RBMS3: variants seen among roughly 807,000 people sequenced by gnomAD.
The protein encoded by RBMS3 is RNA binding motif single stranded interacting protein 3.
Under a neutral mutation model 66.8 loss-of-function variants are expected in RBMS3, and 27 were observed. That is an observed-to-expected ratio of 0.40 (90% CI 0.30 to 0.56). The LOEUF is 0.56. Ranked by LOEUF, RBMS3 falls within the 20% of genes least tolerant of loss-of-function variation. The pLI, the probability that RBMS3 is intolerant of heterozygous loss-of-function variation, is 0.40. For synonymous variants in RBMS3, 188 were observed against 183.0 expected, an observed-to-expected ratio of 1.03 and a Z score of -0.22; for missense variants, 513 against 549.5, an observed-to-expected ratio of 0.93 and a Z score of 0.66.
At chr3:29,729,009 G>C (rs1000087112) in intron 4 of RBMS3, among the ~76,000 whole-genome samples, 2 of 152,024 alleles carry the variant, frequency 1.3e-5, no homozygotes, top group Admixed American at 1.3e-4. Flanking sequence ...TATACTTTAA[G>C]TTCTAGGGTA....
rs2149607612 is a variant in RBMS3 at position 29,899,743 on chromosome 3, T to G, written c.927T>G (p.Val309=). 6.2e-7 allele frequency: 1 copy of G among 1,609,910 alleles called. No homozygotes were observed. Residue 309 remains valine (V), a synonymous_variant, in exon 10 of 15, where the codon GTT becomes GTG. Transcript: ENST00000383767. ...STSWMPHPPY[V]MQPTGAVITP... The stretch of plus-strand genomic sequence containing the variant: ...CATGGATGCCTCATCCGCCATACGT[T>G]ATGCAACCAACAGTAAGTGTTCTCA...
At position 29,936,158 on chromosome 3, in the gene RBMS3, C is replaced by G. The variant is rs1446106795; in HGVS notation, c.1012C>G (p.Gln338Glu). ...AGCCAACATGATGGGCCCACTGACACAGCAGATGAATCACCTTTCGTTGGG... is the reference window on the plus strand; with the variant it reads ...AGCCAACATGATGGGCCCACTGACAGAGCAGATGAATCACCTTTCGTTGGG... ...QPANMMGPLT[Q>E]QMNHLSLGTT... Residue 338 changes from glutamine to glutamate, a missense_variant, in exon 11 of 15, where the codon CAG becomes GAG. By Grantham distance (29) the Gln-to-Glu change is conservative (BLOSUM62 2). Transcript: ENST00000383767. 3 of 1,613,306 alleles carry G rather than the reference C, an allele frequency of 1.9e-6. No homozygotes were observed. The highest frequency in any genetic ancestry group is 1.7e-6 in the Non-Finnish European group (2 of 1,179,532).
At position 29,924,846 on chromosome 3, in the gene RBMS3, G is replaced by GA. The variant is rs55859885; in HGVS notation, c.940-11227dup. On this transcript the variant is annotated intron_variant, in intron 10 of 14. Transcript: ENST00000383767. ...GCGAAACTCCATCTCAGGAAAAAAA[G>GA]AAAAAAAAAAAAAGAGAGAGAGAGA... The GA allele has an allele frequency of 8.8e-3, 1,147 of 130,320 alleles. 8 individuals carry two copies. The highest frequency in any genetic ancestry group is 0.016 in the East Asian group (77 of 4,706). The allele number at this position is 130,320 out of a possible 1,614,324, so 8.1% of individuals were successfully genotyped here. A position where few individuals can be genotyped will look rare whatever the true frequency, so the allele number is the denominator to read the frequency against.
intron 6 of RBMS3, among the ~76,000 whole-genome samples, chr3:29,803,304 G>C (rs949244301): frequency 2.0e-5 from 3 of 152,030 alleles, no homozygotes; most frequent in Non-Finnish European, 2.9e-5. Flanking sequence ...TATATTTCCT[G>C]GGTTATTTTT....
At chr3:29,962,981 A>G (rs1696584525) in intron 12 of RBMS3, among the ~76,000 whole-genome samples, 1 of 149,820 alleles carries the variant, frequency 6.7e-6, no homozygotes, top group African/African-American at 2.5e-5. Flanking sequence ...TGCCCTTCAC[A>G]TTGCTTCCAG....
chr3:29,649,692 G>A (rs1294018849), intron 4 of RBMS3, among the ~76,000 whole-genome samples: 1 of 152,118 alleles, frequency 6.6e-6, no homozygotes, highest in African/African-American at 2.4e-5. Context: ...AGTTGGAGAT[G>A]ACACATTGTC....
chr3:29,353,480 A>G (rs143569546), intron 1 of RBMS3, among the ~76,000 whole-genome samples: 1 of 152,036 alleles, frequency 6.6e-6, no homozygotes, highest in African/African-American at 2.4e-5. Context: ...TGCTTGATTG[A>G]AGCTGGGCAT....
At chr3:29,596,399 A>G (rs955955595) in intron 4 of RBMS3, among the ~76,000 whole-genome samples, 2 of 152,328 alleles carry the variant, frequency 1.3e-5, no homozygotes, top group East Asian at 3.9e-4. Context: ...AACTATATCT[A>G]TTCTGCAAAA....
At chr3:29,371,320 C>A (rs1469408463) in intron 1 of RBMS3, among the ~76,000 whole-genome samples, 1 of 152,186 alleles carries the variant, frequency 6.6e-6, no homozygotes, top group Admixed American at 6.5e-5. Context: ...GAAACAGAAA[C>A]AGACATTTGA....
chr3:29,442,458 A>C (rs1271598763), intron 2 of RBMS3, among the ~76,000 whole-genome samples: 1 of 152,174 alleles, frequency 6.6e-6, no homozygotes, highest in Non-Finnish European at 1.5e-5. Flanking sequence ...TCTTTGGAAC[A>C]GAGAAGAGAA....
Position 29,971,728 on chromosome 3 carries a change from G to A in RBMS3, c.1099-16415G>A, listed in dbSNP as rs1438260004. On this transcript the variant is annotated intron_variant, in intron 12 of 14. Transcript: ENST00000383767. ...TCTTTCTAGTTTACCTGGTTTGACT[G>A]CTAAGAGCTTTAGCAGAGGTACAGA... Among the ~76,000 whole-genome samples the A allele has an allele frequency of 1.8e-4, 27 of 152,104 alleles. 1 individual carries two copies. The highest frequency in any genetic ancestry group is 1.8e-3 in the Admixed American group (27 of 15,246).
intron 1 of RBMS3, among the ~76,000 whole-genome samples, chr3:29,326,772 C>A (rs1473304234): frequency 6.6e-6 from 1 of 150,962 alleles, no homozygotes; most frequent in African/African-American, 2.4e-5. Context: ...CGCTGTGTCG[C>A]CAGGCTGGAG....
At position 29,472,676 on chromosome 3, in the gene RBMS3, G is replaced by A. The variant is rs556213506; in HGVS notation, c.249-15765G>A. Among the ~76,000 whole-genome samples the A allele has an allele frequency of 5.9e-5, 9 of 152,034 alleles. No individual in the cohort carries two copies. The East Asian group carries it at 9.7e-4, about 16-fold the overall frequency. ...AGTGTTACAGCTCTTAAGGCGGCGCGTCTGGAGTTGTTCGTTCCTCCCAGT... is the reference window on the plus strand; with the variant it reads ...AGTGTTACAGCTCTTAAGGCGGCGCATCTGGAGTTGTTCGTTCCTCCCAGT... On this transcript the variant is annotated intron_variant, in intron 2 of 14. Coordinates refer to ENST00000383767, the MANE Select transcript of RBMS3 (RefSeq NM_001003793.3).
At chr3:29,325,680 A>G (rs1198597881) in intron 1 of RBMS3, among the ~76,000 whole-genome samples, 2 of 151,976 alleles carry the variant, frequency 1.3e-5, no homozygotes, top group Non-Finnish European at 2.9e-5. Context: ...ACACATATGT[A>G]TAAATTTGAC....
At chr3:29,900,402 C>G (rs1185880585) in intron 10 of RBMS3, among the ~76,000 whole-genome samples, 1 of 151,668 alleles carries the variant, frequency 6.6e-6, no homozygotes, top group Non-Finnish European at 1.5e-5. Context: ...CTCTTTTTTA[C>G]TTGCTAGATT....
chr3:29,938,522 A>G (rs766305049), intron 11 of RBMS3, among the ~76,000 whole-genome samples: 15 of 151,930 alleles, frequency 9.9e-5, no homozygotes, highest in Non-Finnish European at 1.8e-4. Context: ...TACTTTGTTG[A>G]TTCGTTTAAC....
chr3:29,489,752 A>G (rs1450741476), intron 3 of RBMS3, among the ~76,000 whole-genome samples: 2 of 151,310 alleles, frequency 1.3e-5, no homozygotes. Flanking sequence ...AAAAAAAAAA[A>G]AAAAAAGTAC....
Position 29,670,226 on chromosome 3 carries a change from A to G in RBMS3, c.400-69494A>G, listed in dbSNP as rs1239692613. On this transcript the variant is annotated intron_variant, in intron 4 of 14. Coordinates refer to ENST00000383767, the MANE Select transcript of RBMS3 (RefSeq NM_001003793.3). Reference sequence around the variant, plus strand: ...GTTCCTTCCCCCATCTATAAATCTGACCTTATTTGGAAATAGGGTCATTGA... The same window carrying G: ...GTTCCTTCCCCCATCTATAAATCTGGCCTTATTTGGAAATAGGGTCATTGA... 4.6e-5 allele frequency among the ~76,000 whole-genome samples: 7 copies of G among 152,102 alleles called. No homozygotes were observed. The East Asian group carries it at 1.4e-3, about 29-fold the overall frequency.
chr3:29,863,239 G>A (rs889000779), intron 6 of RBMS3, among the ~76,000 whole-genome samples: 6 of 150,162 alleles, frequency 4.0e-5, no homozygotes, highest in African/African-American at 1.5e-4. Context: ...AGAGGGGGAG[G>A]GATAGCATTA....
Sources: allele counts gnomAD v4.1 joint callset (sites outside exome capture counted in the v4.1 genomes callset), GRCh38; gene constraint gnomAD v4.1.1; transcripts MANE v1.5; gene names NCBI Gene and HGNC (gene_info 2026-07-23, HGNC 2026-07-21).